UGT1A10: variants seen among roughly 807,000 people sequenced by gnomAD.
UGT1A10 encodes UDP-glucuronosyltransferase 1A10.
A neutral mutation model predicts 45.8 loss-of-function variants in UGT1A10; 49 were observed. The ratio of observed to expected loss-of-function variants is 1.07; its 90% CI spans 0.85 to 1.36. The LOEUF (loss-of-function observed/expected upper bound fraction) is 1.36. Among genes scored for constraint, UGT1A10 ranks in the 40% most tolerant of loss-of-function variants. The pLI is 0.00. For missense variants in UGT1A10, 745 were observed against 668.6 expected, an observed-to-expected ratio of 1.11 and a Z score of -1.26; for synonymous variants, 284 against 249.7, an observed-to-expected ratio of 1.14 and a Z score of -1.29.
Position 233,660,401 on chromosome 2 carries a change from T to A in UGT1A10, c.855+23024T>A, listed in dbSNP as rs138798283. The stretch of plus-strand genomic sequence containing the variant: ...TCCTTTTGTGTTGAATTCATGGGGT[T>A]CTGGATGGCTAGAGGCATTGTCCAA... On this transcript the variant is annotated intron_variant, in intron 1 of 4. Transcript: ENST00000344644. Among the ~76,000 whole-genome samples the A allele has an allele frequency of 7.5e-4, 114 of 152,304 alleles. 1 individual carries two copies. The highest frequency in any genetic ancestry group is 1.1e-3 in the Non-Finnish European group (75 of 68,026).
At chr2:233,677,490 A>G (rs1322964042) in intron 1 of UGT1A10, among the ~76,000 whole-genome samples, 1 of 152,198 alleles carries the variant, frequency 6.6e-6, no homozygotes, top group Non-Finnish European at 1.5e-5. Flanking sequence ...CATAGTTTGT[A>G]TGTTATTAGT....
chr2:233,736,190 T>C (rs573636337), intron 1 of UGT1A10, among the ~76,000 whole-genome samples: 9 of 152,368 alleles, frequency 5.9e-5, no homozygotes, highest in African/African-American at 2.2e-4. Flanking sequence ...CCCATATTTC[T>C]TCAAGGCTTT....
chr2:233,707,090 G>A (rs2075940449), intron 1 of UGT1A10, among the ~76,000 whole-genome samples: 1 of 152,098 alleles, frequency 6.6e-6, no homozygotes, highest in African/African-American at 2.4e-5. Flanking sequence ...CACTTTGCAT[G>A]GCAGCTGAGG....
At chr2:233,682,165 T>C (rs1559339373) in intron 1 of UGT1A10, 2 of 1,614,208 alleles carry the variant, frequency 1.2e-6, no homozygotes, top group Non-Finnish European at 8.5e-7. Flanking sequence ...CAGTGAAGAC[T>C]TACTCAACCT....
At position 233,747,386 on chromosome 2, in the gene UGT1A10, G is replaced by A. The variant is rs28900380; in HGVS notation, c.856-19648G>A. ...AGCTCCATGCCAGAGGCCACCAGGC[G>A]GTGGTCCTCACCCCAGAGGTGAATA... is the stretch of plus-strand genomic sequence containing the variant. On this transcript the variant is annotated intron_variant, in intron 1 of 4. Coordinates refer to ENST00000344644, the MANE Select transcript of UGT1A10 (RefSeq NM_019075.4). The A allele has an allele frequency of 0.013, 20,927 of 1,605,194 alleles. 2,457 individuals carry two copies. In the African/African-American group the frequency reaches 0.23, roughly 18 times the overall value.
rs759406667 is a variant in UGT1A10 at position 233,713,458 on chromosome 2, T to G, written c.856-53576T>G. ...GTGGTTCTAACAGACCCCTTTCACC[T>G]CTGCGCGGCGGTGCTGGCTAAGTAC... On this transcript the variant is annotated intron_variant, in intron 1 of 4. Coordinates refer to ENST00000344644, the MANE Select transcript of UGT1A10 (RefSeq NM_019075.4). 4 of 1,614,140 alleles carry G rather than the reference T, an allele frequency of 2.5e-6. No homozygotes were observed. The Admixed American group carries it at 6.7e-5, about 27-fold the overall frequency.
intron 1 of UGT1A10, chr2:233,692,049 C>A (rs17868327): frequency 0.036 from 5,524 of 152,116 alleles, 132 homozygotes; most frequent in Admixed American, 0.06. Flanking sequence ...AAAACCCTTG[C>A]GATTAGAGGG....
chr2:233,725,091 G>T (rs1474788345), intron 1 of UGT1A10, among the ~76,000 whole-genome samples: 2 of 144,822 alleles, frequency 1.4e-5, no homozygotes, highest in African/African-American at 5.2e-5. Context: ...GCAGGCTGAG[G>T]CAGGAGAATC....
chr2:233,725,192 A>G lies in UGT1A10; in HGVS notation c.856-41842A>G, dbSNP rs1239126007. On this transcript the variant is annotated intron_variant, in intron 1 of 4. Coordinates refer to ENST00000344644, the MANE Select transcript of UGT1A10 (RefSeq NM_019075.4). ...GGAGACCGTGGGGAGAGGCAGAGGC[A>G]GAGGCAGAGGCAGAGGCAGAGGCAG... is the stretch of plus-strand genomic sequence containing the variant. Among the ~76,000 whole-genome samples, 60 of 84,600 alleles carry G rather than the reference A, an allele frequency of 7.1e-4. 1 individual carries two copies. The highest frequency in any genetic ancestry group is 0.011 in the Middle Eastern group (2 of 180). The allele number at this position is 84,600 out of a possible 152,430, so 55.5% of individuals were successfully genotyped here.
intron 1 of UGT1A10, among the ~76,000 whole-genome samples, chr2:233,650,683 G>A (rs1233421732): frequency 6.6e-6 from 1 of 151,978 alleles, no homozygotes; most frequent in Non-Finnish European, 1.5e-5. Flanking sequence ...TAAATTTTAT[G>A]CTATTGCTTC....
At chr2:233,693,222 A>G (rs1369651424) in intron 1 of UGT1A10, 1 of 1,614,126 alleles carries the variant, frequency 6.2e-7, no homozygotes, top group Non-Finnish European at 8.5e-7. Context: ...TCCAAATACT[A>G]CACAAGAAAA....
At chr2:233,649,041 C>T in intron 1 of UGT1A10, 1 of 1,079,230 alleles carries the variant, frequency 9.3e-7, no homozygotes, top group South Asian at 2.4e-5. Flanking sequence ...GTCATTGCTC[C>T]TTTAGCACAT....
intron 1 of UGT1A10, among the ~76,000 whole-genome samples, chr2:233,677,770 G>A (rs2074399162): frequency 6.6e-6 from 1 of 152,048 alleles, no homozygotes; most frequent in South Asian, 2.1e-4. Flanking sequence ...GTAGTTTGGA[G>A]ATTTTGCAAA....
chr2:233,675,644 T>G (rs139206204), intron 1 of UGT1A10, among the ~76,000 whole-genome samples: 12 of 152,286 alleles, frequency 7.9e-5, no homozygotes, highest in African/African-American at 2.2e-4. Flanking sequence ...TTTTCAAAGT[T>G]TTCAAACATA....
Position 233,636,546 on chromosome 2 carries a change from C to T in UGT1A10, c.24C>T (p.Ser8=). 1 of 1,613,920 alleles carries T rather than the reference C, an allele frequency of 6.2e-7. No individual in the cohort carries two copies. The highest frequency in any genetic ancestry group is 1.3e-5 in the African/African-American group (1 of 75,042). MARAGWT[S]PVPLCVCLLL... is the part of the protein sequence containing the mutation. ...TCATGGCTCGCGCAGGGTGGACCAG[C>T]CCCGTTCCTTTATGTGTGTGTCTAC... The change falls in exon 1 of 5, where the codon AGC becomes AGT. Residue 8 remains serine, a synonymous_variant. Transcript: ENST00000344644.
rs142877456 is a variant in UGT1A10, at chr2:233,729,472, A to G, written c.856-37562A>G. On this transcript the variant is annotated intron_variant, in intron 1 of 4. Transcript: ENST00000344644. ...GAAGAAATTTTTCAGAAGTATGGCA[A>G]TGTTGAACAATATGTCTTTGGTCTA... 29 of 1,614,082 alleles carry G rather than the reference A, an allele frequency of 1.8e-5. No homozygotes were observed. The highest frequency in any genetic ancestry group is 2.5e-5 in the Non-Finnish European group (29 of 1,180,048).
intron 1 of UGT1A10, among the ~76,000 whole-genome samples, chr2:233,698,062 A>G (rs907495284): frequency 1.3e-5 from 2 of 152,196 alleles, no homozygotes; most frequent in Non-Finnish European, 2.9e-5. Flanking sequence ...AGTTATATTG[A>G]GAAACTGGGC....
intron 1 of UGT1A10, among the ~76,000 whole-genome samples, chr2:233,688,260 GC>G (rs1436774151): frequency 7.9e-5 from 12 of 152,166 alleles, no homozygotes; most frequent in African/African-American, 2.7e-4. Flanking sequence ...CCTTTACATG[GC>G]CGAATATTCC....
intron 1 of UGT1A10, among the ~76,000 whole-genome samples, chr2:233,732,898 G>C (rs1347576081): frequency 6.6e-6 from 1 of 151,914 alleles, no homozygotes; most frequent in Non-Finnish European, 1.5e-5. Flanking sequence ...AATTACCTTG[G>C]GCAGTATGGC....
Sources: gnomAD v4.1 joint callset for allele counts (sites outside exome capture counted in the v4.1 genomes callset) on GRCh38, gnomAD v4.1.1 for gene constraint, MANE v1.5 for transcripts, NCBI Gene and HGNC (gene_info 2026-07-23, HGNC 2026-07-21) for gene names.